Variants in CACNA2D3 observed in about 807,000 individuals in gnomAD.
The protein encoded by CACNA2D3 is voltage-dependent calcium channel subunit alpha-2/delta-3.
CACNA2D3 carries 60 observed loss-of-function variants against 160.6 expected under a neutral mutation model. The ratio of observed to expected loss-of-function variants is 0.37; its 90% CI spans 0.30 to 0.46. CACNA2D3 has a LOEUF of 0.46. Ranked by LOEUF, CACNA2D3 falls within the 20% of genes least tolerant of loss-of-function variation. The pLI is 1.00. For missense variants in CACNA2D3, 1,205 were observed against 1,365.0 expected (o/e 0.88, Z 1.85); for synonymous variants, 558 against 492.9 (o/e 1.13, Z -1.75).
chr3:54,883,823 C>CTCTCTCTCT (rs60132112), intron 21 of CACNA2D3, among the ~76,000 whole-genome samples: 148 of 88,840 alleles, frequency 1.7e-3, no homozygotes, highest in East Asian at 3.5e-3. Context: ...CTCTCTCTCT[C>CTCTCTCTCT]CTCTCTCTCC....
chr3:54,521,592 A>G (rs935097624), intron 5 of CACNA2D3, among the ~76,000 whole-genome samples: 14 of 152,148 alleles, frequency 9.2e-5, no homozygotes, highest in Non-Finnish European at 2.1e-4. Context: ...TACTCATACT[A>G]TTGGTGTCAT....
At chr3:54,596,871 C>T (rs4955918) in intron 9 of CACNA2D3, among the ~76,000 whole-genome samples, 4,922 of 152,160 alleles carry the variant, frequency 0.032, 119 homozygotes, top group South Asian at 0.075. Flanking sequence ...AATAACATTC[C>T]CTTTAGGAAA....
chr3:54,191,572 C>T lies in CACNA2D3; in HGVS notation c.204+67978C>T, dbSNP rs114618207. 6.5e-3 allele frequency among the ~76,000 whole-genome samples: 990 copies of T among 152,112 alleles called. 4 individuals carry two copies. Among genetic ancestry groups the T allele is most frequent in the Middle Eastern group, 0.01 (3 of 294 alleles). ...GTCTGTGTTTTCAAGTTGAACCGACCGAGTACAAGGAAATCGGTGATACAG... is the reference window on the plus strand; with the variant it reads ...GTCTGTGTTTTCAAGTTGAACCGACTGAGTACAAGGAAATCGGTGATACAG... On this transcript the variant is annotated intron_variant, in intron 2 of 37. Transcript: ENST00000474759.
chr3:54,341,209 C>T lies in CACNA2D3; in HGVS notation c.321+20651C>T, dbSNP rs183865548. On this transcript the variant is annotated intron_variant, in intron 3 of 37. Coordinates refer to ENST00000474759, the MANE Select transcript of CACNA2D3 (RefSeq NM_018398.3). ...ACCTTTGAGTTCCATTAAAGAAGTCCGGGTGAAAATGCTGCATTTGTTCAA... is the reference window on the plus strand; with the variant it reads ...ACCTTTGAGTTCCATTAAAGAAGTCTGGGTGAAAATGCTGCATTTGTTCAA... 1.7e-3 allele frequency among the ~76,000 whole-genome samples: 259 copies of T among 152,318 alleles called. 1 individual carries two copies. In the Middle Eastern group the frequency reaches 0.02, roughly 12 times the overall value.
At chr3:54,894,688 T>A (rs1217373655) in intron 25 of CACNA2D3, 1 of 493,604 alleles carries the variant, frequency 2.0e-6, no homozygotes, top group Non-Finnish European at 4.0e-6. Flanking sequence ...CAATGCATCC[T>A]GCCATGGGCC....
intron 2 of CACNA2D3, among the ~76,000 whole-genome samples, chr3:54,147,685 G>A (rs942346226): frequency 1.3e-4 from 20 of 152,234 alleles, no homozygotes; most frequent in African/African-American, 4.6e-4. Context: ...TGTTAGTGTA[G>A]ATAAAGCCTG....
Position 54,987,719 on chromosome 3 carries a change from A to G in CACNA2D3, c.2656A>G (p.Met886Val), listed in dbSNP as rs1192753594. 6.2e-7 allele frequency: 1 copy of G among 1,611,116 alleles called. No homozygotes were observed. Among genetic ancestry groups the G allele is most frequent in the African/African-American group, 1.3e-5 (1 of 74,698 alleles). ...TTTTGGTGAGATCGAGGGAGCTGTGATGAACAAATTGCTAACAATGGGCTC... is the reference window on the plus strand; with the variant it reads ...TTTTGGTGAGATCGAGGGAGCTGTGGTGAACAAATTGCTAACAATGGGCTC... ...DFFGEIEGAVMNKLLTMGSFK... is the reference protein window; with the variant it reads ...DFFGEIEGAVVNKLLTMGSFK... The change falls in exon 31 of 38, where the codon ATG becomes GTG. Residue 886 changes from methionine (M) to valine (V), a missense_variant. Physicochemically the swap from Met to Val is conservative, Grantham distance 21. This residue lies in a region of CACNA2D3 where 911 missense variants were observed against 1,002.2 expected (regional missense o/e 0.91). Coordinates refer to ENST00000474759, the MANE Select transcript of CACNA2D3 (RefSeq NM_018398.3).
chr3:54,911,048 C>A (rs1358563142), intron 27 of CACNA2D3, among the ~76,000 whole-genome samples: 2 of 152,090 alleles, frequency 1.3e-5, no homozygotes, highest in Non-Finnish European at 2.9e-5. Flanking sequence ...AATCCACAAC[C>A]ACCCCTCCCA....
chr3:54,918,772 G>C lies in CACNA2D3; in HGVS notation c.2449+18904G>C, dbSNP rs201588903. On this transcript the variant is annotated intron_variant, in intron 27 of 37. Transcript: ENST00000474759. ...GGCAGAGCCGGGCCACTGAGCCTGC[G>C]AGGACACTGGATCAGGAGCAGGAAG... The C allele has an allele frequency of 3.1e-6, 5 of 1,614,118 alleles. No homozygotes were observed. In the African/African-American group the frequency reaches 5.3e-5, roughly 17 times the overall value.
In CACNA2D3 at chr3:54,987,685, T is replaced by C. The variant is rs371792332; in HGVS notation, c.2622T>C (p.Thr874=). ...FILVSEDYTQ[T]GDFFGEIEGA... ...CTCATATGTCTTCTTCCCCATAGAC[T>C]GGAGACTTTTTTGGTGAGATCGAGG... The change falls in exon 31 of 38, where the codon ACT becomes ACC. Residue 874 remains threonine (T), a splice_region_variant and synonymous_variant. Transcript: ENST00000474759. 44 of 1,603,716 alleles carry C rather than the reference T, an allele frequency of 2.7e-5. No homozygotes were observed. In the East Asian group the frequency reaches 3.8e-4, roughly 14 times the overall value.
At chr3:54,462,915 G>T (rs372021962) in intron 4 of CACNA2D3, among the ~76,000 whole-genome samples, 1 of 148,520 alleles carries the variant, frequency 6.7e-6, no homozygotes, top group Non-Finnish European at 1.5e-5. Flanking sequence ...GGCTGGTACC[G>T]GTTGTTCCTT....
chr3:54,648,948 C>A (rs1379324426), intron 11 of CACNA2D3, among the ~76,000 whole-genome samples: 3 of 152,164 alleles, frequency 2.0e-5, no homozygotes, highest in Non-Finnish European at 4.4e-5. Context: ...AGGATCCAAC[C>A]CCATGACCCA....
At chr3:54,924,829 T>C (rs1379862105) in intron 27 of CACNA2D3, 3 of 1,614,020 alleles carry the variant, frequency 1.9e-6, no homozygotes, top group Non-Finnish European at 2.5e-6. Context: ...CTTATGTTGT[T>C]TGATGACAAA....
chr3:54,175,197 C>G (rs914548215), intron 2 of CACNA2D3, among the ~76,000 whole-genome samples: 1 of 152,100 alleles, frequency 6.6e-6, no homozygotes, highest in African/African-American at 2.4e-5. Flanking sequence ...TTTTAAAATG[C>G]TTTTGAAGTG....
intron 3 of CACNA2D3, among the ~76,000 whole-genome samples, chr3:54,330,664 G>A (rs1280029143): frequency 2.6e-5 from 4 of 152,206 alleles, no homozygotes; most frequent in Non-Finnish European, 5.9e-5. Flanking sequence ...GATGATGGAA[G>A]CAGCTCCAGT....
intron 4 of CACNA2D3, among the ~76,000 whole-genome samples, chr3:54,417,456 C>A (rs946961000): frequency 6.6e-6 from 1 of 152,128 alleles, no homozygotes; most frequent in African/African-American, 2.4e-5. Flanking sequence ...AGTTTATTTT[C>A]TTTCCTGATC....
chr3:54,615,542 C>A (rs996227088), intron 9 of CACNA2D3, among the ~76,000 whole-genome samples: 1 of 152,194 alleles, frequency 6.6e-6, no homozygotes, highest in Admixed American at 6.5e-5. Flanking sequence ...TAAGAGATAT[C>A]TCAATCAATC....
rs377309776 is a variant in CACNA2D3, at chr3:54,411,182, G to A, written c.381+24408G>A. ...CTTCTTGAGGTGGAAACTACTCCCA[G>A]TAAAGATGCTGTAAACATTGTTGAA... On this transcript the variant is annotated intron_variant, in intron 4 of 37. Coordinates refer to ENST00000474759, the MANE Select transcript of CACNA2D3 (RefSeq NM_018398.3). 4.6e-5 allele frequency among the ~76,000 whole-genome samples: 7 copies of A among 152,196 alleles called. No homozygotes were observed. In the East Asian group the frequency reaches 7.7e-4, roughly 17 times the overall value.
At chr3:54,518,282 A>AG (rs1701587227) in intron 5 of CACNA2D3, among the ~76,000 whole-genome samples, 1 of 152,174 alleles carries the variant, frequency 6.6e-6, no homozygotes, top group Non-Finnish European at 1.5e-5. Flanking sequence ...GTAAGGCCTG[A>AG]TACCCCTACA....
Sources: allele counts gnomAD v4.1 joint callset (sites outside exome capture counted in the v4.1 genomes callset), GRCh38; gene constraint gnomAD v4.1.1; regional missense constraint gnomAD v4.1.1; transcripts MANE v1.5; gene names NCBI Gene and HGNC (gene_info 2026-07-23, HGNC 2026-07-21).